The following PCSK5 variants were observed in gnomAD, a reference collection of about 807,000 sequenced individuals.
PCSK5 encodes prohormone convertase 5.
In PCSK5, 129 loss-of-function variants were observed where a neutral mutation model predicts 233.2. That is an observed-to-expected ratio of 0.55 (90% CI 0.48 to 0.64). The LOEUF (loss-of-function observed/expected upper bound fraction) is 0.64. Ranked by LOEUF, PCSK5 falls within the 30% of genes least tolerant of loss-of-function variation. The pLI is 0.00. For synonymous variants in PCSK5, 825 were observed against 879.2 expected (o/e 0.94, Z 1.09); for missense variants, 2,076 against 2,430.1 (o/e 0.85, Z 3.06).
At chr9:76,284,355 A>G (rs1827985957) in intron 24 of PCSK5, among the ~76,000 whole-genome samples, 1 of 152,038 alleles carries the variant, frequency 6.6e-6, no homozygotes, top group Non-Finnish European at 1.5e-5. Context: ...TGTTCTCATG[A>G]TAGTGAATAA....
At chr9:76,239,763 G>C (rs559615515) in intron 23 of PCSK5, among the ~76,000 whole-genome samples, 6 of 152,034 alleles carry the variant, frequency 3.9e-5, no homozygotes, top group Non-Finnish European at 5.9e-5. Flanking sequence ...CGGGTGGGGG[G>C]ATTGTGGACA....
intron 2 of PCSK5, among the ~76,000 whole-genome samples, chr9:75,985,475 T>C (rs1019171380): frequency 5.9e-5 from 9 of 152,088 alleles, no homozygotes; most frequent in Admixed American, 5.2e-4. Flanking sequence ...AAATAGTGTC[T>C]TTCCACCGCA....
At chr9:76,274,440 CT>C (rs1157402922) in intron 24 of PCSK5, among the ~76,000 whole-genome samples, 5 of 152,104 alleles carry the variant, frequency 3.3e-5, no homozygotes, top group African/African-American at 1.2e-4. Flanking sequence ...CTGACTTTCT[CT>C]CATGGTGACT....
intron 9 of PCSK5, among the ~76,000 whole-genome samples, chr9:76,125,621 C>T (rs1564044883): frequency 6.6e-6 from 1 of 152,134 alleles, no homozygotes; most frequent in Non-Finnish European, 1.5e-5. Flanking sequence ...AGTAAGCCTT[C>T]AATACATGCC....
chr9:75,915,924 A>G (rs1202107934), intron 1 of PCSK5, among the ~76,000 whole-genome samples: 2 of 152,212 alleles, frequency 1.3e-5, no homozygotes, highest in Non-Finnish European at 2.9e-5. Context: ...ATATTCTTAA[A>G]TATCACTTCT....
Position 76,240,621 on chromosome 9 carries a change from G to A in PCSK5, c.3079G>A (p.Val1027Ile). 1 of 1,572,042 alleles carries A rather than the reference G, an allele frequency of 6.4e-7. No homozygotes were observed. The highest frequency in any genetic ancestry group is 8.6e-7 in the Non-Finnish European group (1 of 1,156,226). ...CQKLECGQGEVQDPDYEECVP... is the reference protein window; with the variant it reads ...CQKLECGQGEIQDPDYEECVP... The stretch of plus-strand genomic sequence containing the variant: ...TCACTTCTCTGTCTGTGTAGGTGAA[G>A]TCCAAGACCCAGACTATGAAGAATG... The change falls in exon 24 of 38, where the codon GTC becomes ATC. Residue 1027 changes from valine to isoleucine, a missense_variant. By Grantham distance (29) the Val-to-Ile change is conservative (BLOSUM62 3). This residue lies in a region of PCSK5 where 1,510 missense variants were observed against 1,538.1 expected (regional missense o/e 0.98). Transcript: ENST00000674117.
At chr9:76,347,066 T>C (rs866315865) in intron 35 of PCSK5, among the ~76,000 whole-genome samples, 6 of 66,718 alleles carry the variant, frequency 9.0e-5, no homozygotes, top group African/African-American at 2.0e-4. Flanking sequence ...CATAAAATTT[T>C]ATTTTTTCTA....
At chr9:76,188,550 T>C (rs7046850) in intron 17 of PCSK5, 28 bp from the exon 18 acceptor site, 1,429,004 of 1,515,566 alleles carry the variant, frequency 0.94, 674,084 homozygotes, top group East Asian at 1. Context: ...CAACAGTCTG[T>C]TTGAAGCTCC....
At chr9:76,342,253 A>C (rs1829855140) in intron 35 of PCSK5, among the ~76,000 whole-genome samples, 1 of 152,144 alleles carries the variant, frequency 6.6e-6, no homozygotes, top group African/African-American at 2.4e-5. Flanking sequence ...TTAGAAGAGG[A>C]TTGTACCCTA....
rs1830452010 is a variant in PCSK5, at chr9:76,362,857, T to TG, written c.*3937dup. ...CTCAATCGATCATGACCCTCTCACG[T>TG]GGACCCCCTTAGAGTTGTGAGCCCT... On this transcript the variant is annotated 3_prime_UTR_variant, in exon 38 of 38. Coordinates refer to ENST00000674117, the MANE Select transcript of PCSK5 (RefSeq NM_001372043.1). Among the ~76,000 whole-genome samples, 1 of 152,194 alleles carries TG rather than the reference T, an allele frequency of 6.6e-6. No homozygotes were observed. The highest frequency in any genetic ancestry group is 6.5e-5 in the Admixed American group (1 of 15,276).
chr9:76,129,204 G>A (rs1480194501), intron 9 of PCSK5, among the ~76,000 whole-genome samples: 1 of 152,112 alleles, frequency 6.6e-6, no homozygotes, highest in Non-Finnish European at 1.5e-5. Context: ...CATTGGTACA[G>A]TGACATTAAT....
intron 32 of PCSK5, among the ~76,000 whole-genome samples, chr9:76,327,617 T>C (rs981949909): frequency 4.6e-5 from 7 of 152,086 alleles, no homozygotes; most frequent in African/African-American, 1.7e-4. Flanking sequence ...AAGCTCAAGG[T>C]ACTCCGGAGG....
intron 5 of PCSK5, among the ~76,000 whole-genome samples, chr9:76,044,530 T>C (rs574398933): frequency 6.6e-5 from 10 of 152,232 alleles, no homozygotes; most frequent in African/African-American, 2.4e-4. Context: ...TGTAAAACAG[T>C]GGGGGAAATA....
chr9:76,284,742 G>A (rs1032466254), intron 24 of PCSK5, among the ~76,000 whole-genome samples: 4 of 151,922 alleles, frequency 2.6e-5, no homozygotes, highest in African/African-American at 9.7e-5. Flanking sequence ...ATGTTGGTCA[G>A]GTTGGTCTCA....
intron 24 of PCSK5, among the ~76,000 whole-genome samples, chr9:76,253,713 A>G (rs1365006296): frequency 6.6e-6 from 1 of 152,194 alleles, no homozygotes; most frequent in African/African-American, 2.4e-5. Context: ...ATGTGTTTTC[A>G]CATCTGCAAC....
chr9:76,143,386 GC>G (rs1237659212), intron 10 of PCSK5, among the ~76,000 whole-genome samples: 1 of 152,122 alleles, frequency 6.6e-6, no homozygotes, highest in African/African-American at 2.4e-5. Flanking sequence ...ACATTTTGGA[GC>G]CGCTGCGGTG....
At chr9:76,162,528 C>T (rs955407484) in intron 12 of PCSK5, among the ~76,000 whole-genome samples, 1 of 151,642 alleles carries the variant, frequency 6.6e-6, no homozygotes, top group African/African-American at 2.4e-5. Context: ...CAAGGCAGTC[C>T]GTCTCTGTGG....
intron 7 of PCSK5, among the ~76,000 whole-genome samples, chr9:76,088,711 C>G (rs947290282): frequency 6.6e-6 from 1 of 152,094 alleles, no homozygotes; most frequent in South Asian, 2.1e-4. Flanking sequence ...AGCTCTTATC[C>G]CATAGATGTC....
intron 3 of PCSK5, among the ~76,000 whole-genome samples, chr9:76,007,896 G>T (rs988251791): frequency 3.2e-4 from 49 of 151,256 alleles, no homozygotes; most frequent in Non-Finnish European, 1.0e-4. Flanking sequence ...GCCCAGGCTA[G>T]TCTCAAACTC....
Sources: allele counts gnomAD v4.1 joint callset (sites outside exome capture counted in the v4.1 genomes callset), GRCh38; gene constraint gnomAD v4.1.1; regional missense constraint gnomAD v4.1.1; transcripts MANE v1.5; gene names NCBI Gene and HGNC (gene_info 2026-07-23, HGNC 2026-07-21).